The following DLG2 variants were observed in gnomAD, a reference collection of about 807,000 sequenced individuals.
DLG2 encodes the protein discs large MAGUK scaffold protein 2, also known as disks large homolog 2.
Under a neutral mutation model 132.5 loss-of-function variants are expected in DLG2, and 45 were observed. That is an observed-to-expected ratio of 0.34 (90% CI 0.27 to 0.44). The LOEUF (loss-of-function observed/expected upper bound fraction) is 0.44, where lower values mean the gene tolerates loss of function less well. Ranked by LOEUF, DLG2 falls within the 20% of genes least tolerant of loss-of-function variation. The pLI is 1.00. For synonymous variants in DLG2, 424 were observed against 419.6 expected (o/e 1.01, Z -0.13); for missense variants, 1,045 against 1,196.9 (o/e 0.87, Z 1.87).
At chr11:84,642,096 T>TGTGTGTGTGTATATGTAGA (rs1555124476) in intron 6 of DLG2, among the ~76,000 whole-genome samples, 4 of 136,788 alleles carry the variant, frequency 2.9e-5, no homozygotes, top group African/African-American at 1.1e-4. Flanking sequence ...ATGTAGAGTG[T>TGTGTGTGTGTATATGTAGA]GTGTGTGTGT....
chr11:85,367,174 T>C (rs972443804), intron 3 of DLG2, among the ~76,000 whole-genome samples: 1 of 152,166 alleles, frequency 6.6e-6, no homozygotes, highest in South Asian at 2.1e-4. Flanking sequence ...TAATTTAGTT[T>C]AATAACATAG....
At chr11:84,452,112 CAA>C (rs5793122) in intron 7 of DLG2, among the ~76,000 whole-genome samples, 8 of 120,116 alleles carry the variant, frequency 6.7e-5, no homozygotes, top group South Asian at 2.5e-4. Flanking sequence ...GAAAGGTTAA[CAA>C]AAAAAAAAAG....
At chr11:84,284,914 C>T (rs987037637) in intron 7 of DLG2, among the ~76,000 whole-genome samples, 3 of 152,154 alleles carry the variant, frequency 2.0e-5, no homozygotes, top group African/African-American at 7.2e-5. Context: ...CCAAAGGTTT[C>T]TTAAATAAAT....
intron 8 of DLG2, among the ~76,000 whole-genome samples, chr11:84,197,354 A>G (rs1161331237): frequency 6.6e-6 from 1 of 152,202 alleles, no homozygotes; most frequent in Non-Finnish European, 1.5e-5. Context: ...AATATAAAAC[A>G]CAAATCATTC....
chr11:84,118,714 G>A (rs2093759993), intron 9 of DLG2, among the ~76,000 whole-genome samples: 1 of 152,046 alleles, frequency 6.6e-6, no homozygotes, highest in Non-Finnish European at 1.5e-5. Context: ...CAGGAAGATG[G>A]GGTACTTACT....
intron 18 of DLG2, among the ~76,000 whole-genome samples, chr11:83,687,159 C>A (rs1000494795): frequency 6.6e-6 from 1 of 152,168 alleles, no homozygotes; most frequent in Non-Finnish European, 1.5e-5. Flanking sequence ...CAAAATAACA[C>A]CTTCATTTCA....
At chr11:84,421,757 T>G (rs1344566219) in intron 7 of DLG2, among the ~76,000 whole-genome samples, 1 of 152,254 alleles carries the variant, frequency 6.6e-6, no homozygotes. Context: ...CATTCCCTTG[T>G]GTACCTGCTC....
chr11:84,291,710 G>C (rs1355968877), intron 7 of DLG2, among the ~76,000 whole-genome samples: 1 of 152,066 alleles, frequency 6.6e-6, no homozygotes, highest in Non-Finnish European at 1.5e-5. Flanking sequence ...ATTAAATATT[G>C]GTAGCACAAA....
At chr11:84,415,245 A>G (rs947149252) in intron 7 of DLG2, among the ~76,000 whole-genome samples, 2 of 152,202 alleles carry the variant, frequency 1.3e-5, no homozygotes, top group East Asian at 3.9e-4. Context: ...TAGAAGAACT[A>G]TGGATGTCAT....
intron 9 of DLG2, among the ~76,000 whole-genome samples, chr11:84,148,897 T>C (rs2095190678): frequency 6.6e-6 from 1 of 152,180 alleles, no homozygotes; most frequent in African/African-American, 2.4e-5. Context: ...TTTGACCTAT[T>C]ATCAAAAGCC....
At chr11:84,753,568 T>TTCCCTCAGC in intron 6 of DLG2, among the ~76,000 whole-genome samples, 1 of 152,202 alleles carries the variant, frequency 6.6e-6, no homozygotes, top group Non-Finnish European at 1.5e-5. Context: ...AGAATTTTAT[T>TTCCCTCAGC]TTTATGTGAT....
intron 3 of DLG2, among the ~76,000 whole-genome samples, chr11:85,569,598 G>A (rs1242107568): frequency 1.3e-5 from 2 of 151,910 alleles, no homozygotes; most frequent in Non-Finnish European, 2.9e-5. Flanking sequence ...TATGATTTCG[G>A]CCTTTCAAAC....
intron 6 of DLG2, among the ~76,000 whole-genome samples, chr11:85,040,743 C>T (rs188585084): frequency 3.9e-5 from 6 of 151,938 alleles, no homozygotes; most frequent in Admixed American, 3.9e-4. Context: ...TTGTATTTAC[C>T]TATGTTGATT....
At chr11:84,646,630 C>T (rs563648519) in intron 6 of DLG2, among the ~76,000 whole-genome samples, 1 of 151,388 alleles carries the variant, frequency 6.6e-6, no homozygotes, top group Non-Finnish European at 1.5e-5. Flanking sequence ...AAACTCTATT[C>T]TAGAAACCAA....
At chr11:84,188,628 A>G (rs2096334512) in intron 8 of DLG2, among the ~76,000 whole-genome samples, 1 of 152,162 alleles carries the variant, frequency 6.6e-6, no homozygotes, top group Non-Finnish European at 1.5e-5. Flanking sequence ...GTGAAAAATA[A>G]AGACTTATTC....
chr11:85,461,149 T>C (rs1345768368), intron 3 of DLG2, among the ~76,000 whole-genome samples: 1 of 152,262 alleles, frequency 6.6e-6, no homozygotes, highest in African/African-American at 2.4e-5. Flanking sequence ...GAATCCAGCA[T>C]ATCAAGATAA....
intron 6 of DLG2, among the ~76,000 whole-genome samples, chr11:84,875,275 TAA>T (rs1186485356): frequency 1.3e-5 from 2 of 152,236 alleles, no homozygotes; most frequent in East Asian, 3.9e-4. Context: ...ATATATAGGT[TAA>T]GAGTTCAGAA....
chr11:84,928,335 T>C (rs992910702), intron 6 of DLG2, among the ~76,000 whole-genome samples: 1 of 152,068 alleles, frequency 6.6e-6, no homozygotes, highest in African/African-American at 2.4e-5. Flanking sequence ...CTGTGTGACC[T>C]TGGGTAAGTT....
intron 14 of DLG2, among the ~76,000 whole-genome samples, chr11:83,960,886 A>G (rs1476181083): frequency 6.6e-6 from 1 of 151,952 alleles, no homozygotes; most frequent in East Asian, 1.9e-4. Flanking sequence ...TATGTGTGTG[A>G]ACTAACATAA....
Sources: allele counts gnomAD v4.1 joint callset (sites outside exome capture counted in the v4.1 genomes callset), GRCh38; gene constraint gnomAD v4.1.1; transcripts MANE v1.5; gene names NCBI Gene and HGNC (gene_info 2026-07-23, HGNC 2026-07-21).